RAB21: variants seen among roughly 807,000 people sequenced by gnomAD.
RAB21 encodes ras-related protein Rab-21.
A neutral mutation model predicts 33.1 loss-of-function variants in RAB21; 13 were observed. That is an observed-to-expected ratio of 0.39 (90% confidence interval 0.26 to 0.62). The LOEUF (loss-of-function observed/expected upper bound fraction) is 0.62, where lower values mean the gene tolerates loss of function less well. Ranked by LOEUF, RAB21 falls within the 20% of genes least tolerant of loss-of-function variation. The pLI is 0.48. For missense variants in RAB21, 234 were observed against 279.1 expected (o/e 0.84, Z 1.15); for synonymous variants, 91 against 103.7 (o/e 0.88, Z 0.74).
chr12:71,777,384 T>G (rs1883137505), intron 4 of RAB21, among the ~76,000 whole-genome samples: 1 of 152,258 alleles, frequency 6.6e-6, no homozygotes, highest in Non-Finnish European at 1.5e-5. Flanking sequence ...TTCATTTTAT[T>G]CTGATTGCTG....
intron 1 of RAB21, among the ~76,000 whole-genome samples, chr12:71,763,458 AT>A (rs1242880601): frequency 2.6e-5 from 4 of 151,768 alleles, no homozygotes; most frequent in African/African-American, 9.7e-5. Context: ...TAAATTTTTA[AT>A]TTTTTTCCTC....
chr12:71,777,066 T>G (rs1010872586), intron 4 of RAB21, among the ~76,000 whole-genome samples: 4 of 152,328 alleles, frequency 2.6e-5, no homozygotes, highest in Admixed American at 6.5e-5. Flanking sequence ...TAACTGATTT[T>G]TAAAGTGAGT....
At chr12:71,771,063 G>A (rs759904504) in intron 3 of RAB21, among the ~76,000 whole-genome samples, 2 of 152,102 alleles carry the variant, frequency 1.3e-5, no homozygotes, top group Non-Finnish European at 2.9e-5. Context: ...AATTCCATAC[G>A]CATTGGGCTC....
chr12:71,788,967 C>T lies in RAB21; in HGVS notation c.*3294C>T, dbSNP rs1592652961. The T allele has an allele frequency of 6.6e-6, 1 of 150,994 alleles. No individual in the cohort carries two copies. The highest frequency in any genetic ancestry group is 1.5e-5 in the Non-Finnish European group (1 of 67,762). The allele number at this position is 150,994 out of a possible 1,614,324, so 9.4% of individuals were successfully genotyped here. ...TGTCTGGGGTGTTGCCTAAGAATACCCTAAAGCTATGGCTGTTACTGCATT... is the reference window on the plus strand; with the variant it reads ...TGTCTGGGGTGTTGCCTAAGAATACTCTAAAGCTATGGCTGTTACTGCATT... On this transcript the variant is annotated 3_prime_UTR_variant, in exon 7 of 7. Coordinates refer to ENST00000261263, the MANE Select transcript of RAB21 (RefSeq NM_014999.4).
In RAB21 at chr12:71,792,784, A is replaced by G. The variant is rs981678757; in HGVS notation, c.*7111A>G. The G allele has an allele frequency of 1.3e-5, 2 of 152,214 alleles. No individual in the cohort carries two copies. Among genetic ancestry groups the G allele is most frequent in the African/African-American group, 2.4e-5 (1 of 41,436 alleles). 9.4% of individuals were successfully genotyped at this position (152,214 alleles called of 1,614,324 possible). On this transcript the variant is annotated 3_prime_UTR_variant, in exon 7 of 7. Coordinates refer to ENST00000261263, the MANE Select transcript of RAB21 (RefSeq NM_014999.4). ...GTGCCTTCCTTTATCGTTGGAACCT[A>G]GAGATGAGCTGATACCTGTTGCACA... is the stretch of plus-strand genomic sequence containing the variant.
intron 3 of RAB21, among the ~76,000 whole-genome samples, chr12:71,771,998 A>G (rs1476977474): frequency 6.6e-6 from 1 of 151,746 alleles, no homozygotes; most frequent in Non-Finnish European, 1.5e-5. Flanking sequence ...AGATCGAGTC[A>G]TTTAGGTTGA....
chr12:71,781,007 G>A (rs1883190133), intron 4 of RAB21, among the ~76,000 whole-genome samples: 1 of 151,944 alleles, frequency 6.6e-6, no homozygotes, highest in Admixed American at 6.6e-5. Context: ...TTAAGTTCAA[G>A]GAATCAGTAT....
chr12:71,777,369 A>T (rs968671265), intron 4 of RAB21, among the ~76,000 whole-genome samples: 1 of 152,124 alleles, frequency 6.6e-6, no homozygotes, highest in Non-Finnish European at 1.5e-5. Context: ...TGTTGTATAT[A>T]GTTGTTCATT....
intron 1 of RAB21, among the ~76,000 whole-genome samples, chr12:71,768,318 A>G (rs1882990456): frequency 6.6e-6 from 1 of 152,056 alleles, no homozygotes; most frequent in South Asian, 2.1e-4. Flanking sequence ...AAGAAATCTC[A>G]ATTGTTTCTT....
chr12:71,781,963 A>G, intron 4 of RAB21, 68 bp from the exon 5 acceptor site: 2 of 1,229,532 alleles, frequency 1.6e-6, no homozygotes, highest in Non-Finnish European at 2.3e-6. Context: ...TTTTATATTT[A>G]GAATTGGCTT....
intron 1 of RAB21, 57 bp from the exon 2 acceptor site, chr12:71,769,743 A>G: frequency 1.2e-6 from 1 of 867,892 alleles, no homozygotes; most frequent in South Asian, 2.4e-5. Context: ...TATAGTTGTT[A>G]GGATAAAGAA....
rs781340628 is a variant in RAB21 at position 71,770,695 on chromosome 12, A to G, written c.323A>G (p.Gln108Arg). The change falls in exon 3 of 7, where the codon CAG (glutamine) becomes CGG (arginine). Residue 108 changes from glutamine (Q) to arginine (R), a missense_variant. Transcript: ENST00000261263. ...GACATAACAGATGAAGATTCTTTTC[A>G]GAAGGTATTCTATTCATGGGTAGAT... ...VYDITDEDSF[Q>R]KVKNWVKELR... is the part of the protein sequence containing the mutation. 2.6e-6 allele frequency: 4 copies of G among 1,568,138 alleles called. No homozygotes were observed. In the South Asian group the frequency reaches 4.5e-5, roughly 18 times the overall value.
intron 1 of RAB21, among the ~76,000 whole-genome samples, chr12:71,760,020 T>G (rs1458824976): frequency 6.6e-6 from 1 of 152,238 alleles, no homozygotes; most frequent in Admixed American, 6.5e-5. Flanking sequence ...AATAAATGTT[T>G]GCTGTTTGAT....
intron 2 of RAB21, 122 bp downstream of exon 2, chr12:71,769,981 GGTT>G (rs1883018169): frequency 2.2e-6 from 1 of 446,078 alleles, no homozygotes; most frequent in African/African-American, 2.1e-5. Context: ...CTTAAAATCT[GGTT>G]GAGAATTATA....
chr12:71,779,169 T>C (rs747782872), intron 4 of RAB21, among the ~76,000 whole-genome samples: 11 of 152,162 alleles, frequency 7.2e-5, no homozygotes, highest in Non-Finnish European at 2.9e-5. Flanking sequence ...TCCAAAATAT[T>C]ACAGTTATGG....
In RAB21 at chr12:71,787,686, G is replaced by A. The variant is rs114117610; in HGVS notation, c.*2013G>A. ...CTTCACTTTACCTTCTTTAATTATTGTCCTTGCTAAACTCAACACAGACTT... is the reference window on the plus strand; with the variant it reads ...CTTCACTTTACCTTCTTTAATTATTATCCTTGCTAAACTCAACACAGACTT... On this transcript the variant is annotated 3_prime_UTR_variant, in exon 7 of 7. Transcript: ENST00000261263. 745 of 152,252 alleles carry A rather than the reference G, an allele frequency of 4.9e-3. 8 individuals are homozygous for A. The highest frequency in any genetic ancestry group is 0.017 in the African/African-American group (710 of 41,548). The allele number at this position is 152,252 out of a possible 1,614,324, so 9.4% of individuals were successfully genotyped here.
intron 1 of RAB21, among the ~76,000 whole-genome samples, chr12:71,769,011 G>T (rs780631423): frequency 2.4e-4 from 37 of 152,250 alleles, no homozygotes; most frequent in Non-Finnish European, 4.7e-4. Context: ...AAGTCCATCT[G>T]TGTAGTTTCA....
At position 71,794,398 on chromosome 12, in the gene RAB21, A is replaced by G. The variant is rs1883431299; in HGVS notation, c.*8725A>G. ...TAAAAACAAAACAAAACAAAACCATATATATATTATATATATATATATATA... is the reference window on the plus strand; with the variant it reads ...TAAAAACAAAACAAAACAAAACCATGTATATATTATATATATATATATATA... On this transcript the variant is annotated 3_prime_UTR_variant, in exon 7 of 7. Coordinates refer to ENST00000261263, the MANE Select transcript of RAB21 (RefSeq NM_014999.4). 8.8e-6 allele frequency: 1 copy of G among 114,196 alleles called. No homozygotes were observed. The highest frequency in any genetic ancestry group is 3.4e-5 in the African/African-American group (1 of 29,534). The allele number at this position is 114,196 out of a possible 1,614,324, so 7.1% of individuals were successfully genotyped here. A position where few individuals can be genotyped will look rare whatever the true frequency, so the allele number is the denominator to read the frequency against.
rs1883468735 is a variant in RAB21 at position 71,796,842 on chromosome 12, T to G, written c.*11169T>G. The G allele has an allele frequency of 1.3e-5, 2 of 152,156 alleles. No individual in the cohort carries two copies. 9.4% of individuals were successfully genotyped at this position (152,156 alleles called of 1,614,324 possible). A position where few individuals can be genotyped will look rare whatever the true frequency, so the allele number is the denominator to read the frequency against. On this transcript the variant is annotated 3_prime_UTR_variant, in exon 7 of 7. Transcript: ENST00000261263. ...AAATCCAAGAAAAAGACTTGTAAGC[T>G]AAAAAGCCTGTTTCGTTCGGAAAAA...
Sources: gnomAD v4.1 joint callset for allele counts (sites outside exome capture counted in the v4.1 genomes callset) on GRCh38, gnomAD v4.1.1 for gene constraint, MANE v1.5 for transcripts, NCBI Gene and HGNC (gene_info 2026-07-23, HGNC 2026-07-21) for gene names.